The following FOXJ3 variants were observed in gnomAD, a reference collection of about 807,000 sequenced individuals.
FOXJ3 encodes the protein forkhead box protein J3.
Under a neutral mutation model 76.1 loss-of-function variants are expected in FOXJ3, and 22 were observed. The ratio of observed to expected loss-of-function variants is 0.29; its 90% CI spans 0.21 to 0.41. The LOEUF (loss-of-function observed/expected upper bound fraction) is 0.41, where lower values mean the gene tolerates loss of function less well. FOXJ3 is among the 10% of genes least tolerant of loss of function. FOXJ3 has a pLI of 1.00. For missense variants in FOXJ3, 613 were observed against 762.1 expected (o/e 0.80, Z 2.30); for synonymous variants, 269 against 261.2 (o/e 1.03, Z -0.29).
intron 4 of FOXJ3, among the ~76,000 whole-genome samples, chr1:42,229,648 G>GT: frequency 6.6e-6 from 1 of 152,142 alleles, no homozygotes; most frequent in Non-Finnish European, 1.5e-5. Flanking sequence ...ACCAGATGTG[G>GT]TAAGAACCTG....
At chr1:42,245,331 C>T (rs1013187853) in intron 4 of FOXJ3, among the ~76,000 whole-genome samples, 3 of 152,138 alleles carry the variant, frequency 2.0e-5, no homozygotes, top group Non-Finnish European at 4.4e-5. Flanking sequence ...ATGAGGCCTG[C>T]ATTACCCTGA....
At chr1:42,310,344 C>G (rs1266183070) in intron 2 of FOXJ3, among the ~76,000 whole-genome samples, 1 of 151,996 alleles carries the variant, frequency 6.6e-6, no homozygotes, top group African/African-American at 2.4e-5. Flanking sequence ...TGGGGTTTCA[C>G]CATGTTGGCC....
At chr1:42,331,829 T>TA (rs5773767) in intron 1 of FOXJ3, among the ~76,000 whole-genome samples, 37 of 89,994 alleles carry the variant, frequency 4.1e-4, no homozygotes, top group African/African-American at 1.1e-3. Context: ...AAAGCTTTTT[T>TA]AAAAAAAAAA....
chr1:42,328,346 G>A (rs1004972401), intron 1 of FOXJ3, among the ~76,000 whole-genome samples: 1 of 152,134 alleles, frequency 6.6e-6, no homozygotes, highest in African/African-American at 2.4e-5. Flanking sequence ...CAAATTATTA[G>A]CGTTCAATTC....
rs774614776 is a variant in FOXJ3, at chr1:42,205,782, T to C, written c.610A>G (p.Ile204Val). 174 of 1,598,662 alleles carry C rather than the reference T, an allele frequency of 1.1e-4. 1 individual carries two copies. The Admixed American group carries it at 2.3e-3, about 21-fold the overall frequency. ...ATTACTTTGTTAGTCACAGTGTTGA[T>C]TGCCAGAGTTGGAGAGGCACTTCCC... ...ISGSASPTLA[I>V]NTVTNKVTLY... is the part of the protein sequence containing the mutation. Residue 204 changes from isoleucine to valine, a missense_variant, in exon 6 of 13, where the codon ATC becomes GTC. Ile to Val is a conservative substitution (Grantham distance 29). Coordinates refer to ENST00000361346, the MANE Select transcript of FOXJ3 (RefSeq NM_014947.5).
At chr1:42,237,047 C>T (rs966710882) in intron 4 of FOXJ3, among the ~76,000 whole-genome samples, 1 of 151,900 alleles carries the variant, frequency 6.6e-6, no homozygotes, top group African/African-American at 2.4e-5. Flanking sequence ...TTCCAAATAT[C>T]TTTTGCCCAT....
Position 42,254,870 on chromosome 1 carries a change from C to T in FOXJ3, c.444+10245G>A, listed in dbSNP as rs940334952. ...AGGAGATATACCTAATGCTAAATGA[C>T]GAGTTAATGGGTGCAGCACACCAGC... On this transcript the variant is annotated intron_variant, in intron 4 of 12. Transcript: ENST00000361346. 1.5e-4 allele frequency among the ~76,000 whole-genome samples: 22 copies of T among 149,544 alleles called. No individual in the cohort carries two copies. In the East Asian group the frequency reaches 1.6e-3, roughly 11 times the overall value.
chr1:42,186,870 C>T (rs930837158), intron 11 of FOXJ3, among the ~76,000 whole-genome samples: 4 of 152,208 alleles, frequency 2.6e-5, no homozygotes, highest in Non-Finnish European at 5.9e-5. Flanking sequence ...TCTTTTGAGA[C>T]GAAGTCTCCC....
intron 2 of FOXJ3, among the ~76,000 whole-genome samples, chr1:42,279,372 T>C (rs553064287): frequency 1.3e-5 from 2 of 152,076 alleles, no homozygotes; most frequent in African/African-American, 2.4e-5. Flanking sequence ...AAAAAACAAG[T>C]CAAGGAACAG....
intron 2 of FOXJ3, among the ~76,000 whole-genome samples, chr1:42,296,116 T>G (rs542325499): frequency 1.3e-5 from 2 of 152,370 alleles, no homozygotes; most frequent in East Asian, 3.9e-4. Flanking sequence ...GAGTATTTTT[T>G]TCAAGTGTTT....
intron 11 of FOXJ3, 21 bp from the exon 12 acceptor site, chr1:42,182,045 A>C (rs199840083): frequency 7.2e-7 from 1 of 1,388,720 alleles, no homozygotes; most frequent in Non-Finnish European, 1.0e-6. Context: ...TAAAAGCAGA[A>C]AGAGGGAAAA....
chr1:42,197,789 G>A (rs921288469), intron 7 of FOXJ3, among the ~76,000 whole-genome samples: 15 of 151,914 alleles, frequency 9.9e-5, no homozygotes, highest in Non-Finnish European at 1.3e-4. Flanking sequence ...CTCCTAAGGT[G>A]CATGCCACAA....
chr1:42,320,398 C>T (rs1655361728), intron 1 of FOXJ3, among the ~76,000 whole-genome samples: 1 of 152,174 alleles, frequency 6.6e-6, no homozygotes, highest in Admixed American at 6.5e-5. Flanking sequence ...AATCCTGAGG[C>T]TTCAGTCTCT....
chr1:42,215,647 C>A (rs1265502726), intron 5 of FOXJ3, among the ~76,000 whole-genome samples: 1 of 151,994 alleles, frequency 6.6e-6, no homozygotes, highest in Non-Finnish European at 1.5e-5. Flanking sequence ...GAAGGAAAAA[C>A]CACACTTAGA....
At chr1:42,278,155 C>G (rs1357750915) in intron 3 of FOXJ3, among the ~76,000 whole-genome samples, 193 bp downstream of exon 3, 1 of 152,108 alleles carries the variant, frequency 6.6e-6, no homozygotes, top group East Asian at 1.9e-4. Context: ...ATAACATAAT[C>G]AAGCTTCAAC....
intron 6 of FOXJ3, among the ~76,000 whole-genome samples, chr1:42,202,946 CT>C (rs1408466638): frequency 2.0e-5 from 3 of 152,154 alleles, no homozygotes; most frequent in Non-Finnish European, 4.4e-5. Context: ...TTCTTTATTC[CT>C]TTTTCCTCTC....
At chr1:42,189,026 A>G in intron 10 of FOXJ3, 98 bp from the exon 11 acceptor site, 1 of 727,458 alleles carries the variant, frequency 1.4e-6, no homozygotes, top group Admixed American at 3.2e-5. Flanking sequence ...CAAAATTTCC[A>G]CTCACTCCAC....
chr1:42,236,010 GCT>G (rs1364445362), intron 4 of FOXJ3, among the ~76,000 whole-genome samples: 1 of 152,068 alleles, frequency 6.6e-6, no homozygotes, highest in Non-Finnish European at 1.5e-5. Flanking sequence ...AGTTACCTTT[GCT>G]CTTCCTTGTT....
chr1:42,197,671 T>TA lies in FOXJ3; in HGVS notation c.759+1430dup, dbSNP rs531308196. 1.6e-3 allele frequency among the ~76,000 whole-genome samples: 233 copies of TA among 144,744 alleles called. 5 individuals carry two copies. The South Asian group carries it at 0.021, about 13-fold the overall frequency. 95.0% of individuals were successfully genotyped at this position (144,744 alleles called of 152,430 possible). The stretch of plus-strand genomic sequence containing the variant: ...AGTTGTTAAACTATATTTTTTTCTT[T>TA]AAAAAAAAAAAAGAAAGAAAGAAAG... On this transcript the variant is annotated intron_variant, in intron 7 of 12. Transcript: ENST00000361346.
Sources: gnomAD v4.1 joint callset for allele counts (sites outside exome capture counted in the v4.1 genomes callset) on GRCh38, gnomAD v4.1.1 for gene constraint, MANE v1.5 for transcripts, NCBI Gene and HGNC (gene_info 2026-07-23, HGNC 2026-07-21) for gene names.